Variants in ZFP90 observed in about 807,000 individuals in gnomAD.
The protein encoded by ZFP90 is zinc finger protein 90 homolog.
A neutral mutation model predicts 60.8 loss-of-function variants in ZFP90; 38 were observed. The observed-to-expected ratio is 0.62, with a 90% confidence interval of 0.48 to 0.82. The LOEUF is 0.82. Ranked by LOEUF, ZFP90 falls within the 40% of genes least tolerant of loss-of-function variation. ZFP90 has a pLI of 0.00. For synonymous variants in ZFP90, 287 were observed against 264.8 expected, an observed-to-expected ratio of 1.08 and a Z score of -0.82; for missense variants, 711 against 759.1, an observed-to-expected ratio of 0.94 and a Z score of 0.74.
At position 68,563,222 on chromosome 16, in the gene ZFP90, G is replaced by GAAGAAAATAATTACACCAC. The variant is rs2091463735; in HGVS notation, c.444_462dup (p.Phe155AsnfsTer8). On this transcript the variant is annotated frameshift_variant, in exon 5 of 5. Transcript: ENST00000563169. LOFTEE classifies it high-confidence loss of function. Reference sequence around the variant, plus strand: ...ATCTGGGATCAGAGGCATCCACCCAGAAGAAAATAATTACACCACAAGAAA... The same window carrying GAAGAAAATAATTACACCAC: ...ATCTGGGATCAGAGGCATCCACCCAGAAGAAAATAATTACACCACAAGAAAATAATTACACCACAAGAAA... 6.2e-7 allele frequency: 1 copy of GAAGAAAATAATTACACCAC among 1,613,648 alleles called. No homozygotes were observed. Among genetic ancestry groups the GAAGAAAATAATTACACCAC allele is most frequent in the African/African-American group, 1.3e-5 (1 of 74,848 alleles).
At chr16:68,561,256 T>C (rs2091435631) in intron 4 of ZFP90, among the ~76,000 whole-genome samples, 4 of 152,232 alleles carry the variant, frequency 2.6e-5, no homozygotes, top group African/African-American at 7.2e-5. Context: ...TACTTTACTA[T>C]AGAAAATAGA....
At chr16:68,534,289 C>T (rs552489543) in intron 2 of ZFP90, among the ~76,000 whole-genome samples, 4 of 139,908 alleles carry the variant, frequency 2.9e-5, no homozygotes, top group Non-Finnish European at 4.5e-5. Flanking sequence ...AGGGCAATGG[C>T]GTGATCTCGG....
chr16:68,553,723 GTCC>G (rs2091297468), intron 2 of ZFP90, among the ~76,000 whole-genome samples: 1 of 152,110 alleles, frequency 6.6e-6, no homozygotes, highest in Non-Finnish European at 1.5e-5. Context: ...GGCTCAAGCA[GTCC>G]TCCTGCCTCA....
chr16:68,555,549 G>C (rs2091329581), intron 2 of ZFP90, among the ~76,000 whole-genome samples: 1 of 152,200 alleles, frequency 6.6e-6, no homozygotes, highest in Non-Finnish European at 1.5e-5. Flanking sequence ...GATATAGTGT[G>C]AGTCAGGTAC....
intron 2 of ZFP90, among the ~76,000 whole-genome samples, chr16:68,572,950 C>T (rs1332645560): frequency 6.6e-6 from 1 of 151,278 alleles, no homozygotes; most frequent in African/African-American, 2.4e-5. Context: ...TTGTGTTATC[C>T]CTGGGAAGGA....
chr16:68,540,875 C>A (rs2091035374), intron 2 of ZFP90, among the ~76,000 whole-genome samples: 1 of 140,094 alleles, frequency 7.1e-6, no homozygotes, highest in African/African-American at 2.6e-5. Context: ...TTTAAAAGAG[C>A]AGTTTATAGT....
upstream of ZFP90, among the ~76,000 whole-genome samples, chr16:68,537,861 G>A (rs1555497183): frequency 1.3e-5 from 2 of 151,994 alleles, no homozygotes; most frequent in South Asian, 2.1e-4. Flanking sequence ...AGCCCCTTGC[G>A]CAGGATTTTG....
intron 4 of ZFP90, among the ~76,000 whole-genome samples, chr16:68,559,228 G>A (rs1190729889): frequency 6.6e-6 from 1 of 152,104 alleles, no homozygotes; most frequent in Admixed American, 6.6e-5. Flanking sequence ...GGTAGTTGCA[G>A]CTCTTTATTC....
chr16:68,572,569 T>C (rs904654275), intron 2 of ZFP90, among the ~76,000 whole-genome samples: 29 of 152,132 alleles, frequency 1.9e-4, no homozygotes, highest in Admixed American at 2.6e-4. Context: ...CCTATAGATA[T>C]AAAAACCATG....
intron 2 of ZFP90, among the ~76,000 whole-genome samples, chr16:68,551,844 C>T (rs760554348): frequency 5.9e-5 from 9 of 152,024 alleles, no homozygotes; most frequent in Admixed American, 3.3e-4. Context: ...CTGCAAGCTC[C>T]GCCTCCCAGG....
intron 4 of ZFP90, among the ~76,000 whole-genome samples, chr16:68,559,862 C>T (rs1413850044): frequency 6.6e-6 from 1 of 151,922 alleles, no homozygotes; most frequent in Non-Finnish European, 1.5e-5. Context: ...CATGAGTGAC[C>T]ACACCAGCCT....
intron 2 of ZFP90, among the ~76,000 whole-genome samples, chr16:68,542,288 T>C (rs2091064462): frequency 6.6e-6 from 1 of 152,056 alleles, no homozygotes; most frequent in East Asian, 1.9e-4. Context: ...AGTTTTCACC[T>C]TTGAATAGGA....
At chr16:68,551,731 A>G (rs1010418054) in intron 2 of ZFP90, among the ~76,000 whole-genome samples, 3 of 149,006 alleles carry the variant, frequency 2.0e-5, no homozygotes, top group Middle Eastern at 3.5e-3. Context: ...ATACTTCTTA[A>G]TAACTTTGTT....
At position 68,542,436 on chromosome 16, in the gene ZFP90, C is replaced by G. The variant is rs972911440; in HGVS notation, c.33+2611C>G. 2.0e-5 allele frequency among the ~76,000 whole-genome samples: 3 copies of G among 152,016 alleles called. No homozygotes were observed. In the South Asian group the frequency reaches 6.2e-4, roughly 32 times the overall value. ...TGAAACCCTGTTTCCACTAAAAATACAAAAATTAGCTAGCCATGGTGACGG... is the reference window on the plus strand; with the variant it reads ...TGAAACCCTGTTTCCACTAAAAATAGAAAAATTAGCTAGCCATGGTGACGG... On this transcript the variant is annotated intron_variant, in intron 2 of 4. Coordinates refer to ENST00000563169, the MANE Select transcript of ZFP90 (RefSeq NM_001305203.2).
chr16:68,534,533 T>A (rs1304339598), upstream of ZFP90, among the ~76,000 whole-genome samples: 1 of 151,754 alleles, frequency 6.6e-6, no homozygotes, highest in East Asian at 1.9e-4. Flanking sequence ...CGGCCATTTT[T>A]AAAATTCTAT....
upstream of ZFP90, among the ~76,000 whole-genome samples, chr16:68,536,134 C>A (rs1182412204): frequency 1.3e-5 from 2 of 152,196 alleles, no homozygotes; most frequent in African/African-American, 4.8e-5. Context: ...TCCTTACAAA[C>A]AGCGTTGTTC....
At chr16:68,550,978 A>G (rs954260927) in intron 2 of ZFP90, among the ~76,000 whole-genome samples, 1 of 152,150 alleles carries the variant, frequency 6.6e-6, no homozygotes, top group Admixed American at 6.5e-5. Context: ...GTTGACAGTG[A>G]TGTTCTTCTC....
chr16:68,569,594 T>G (rs1223968220), downstream of ZFP90, among the ~76,000 whole-genome samples: 1 of 152,088 alleles, frequency 6.6e-6, no homozygotes, highest in Non-Finnish European at 1.5e-5. Flanking sequence ...CCTAGTTAAC[T>G]GAGAACAAGA....
chr16:68,539,998 G>T (rs1597710425), intron 2 of ZFP90, among the ~76,000 whole-genome samples, 173 bp downstream of exon 2: 1 of 152,250 alleles, frequency 6.6e-6, no homozygotes, highest in African/African-American at 2.4e-5. Context: ...GATTCCCAAA[G>T]GGGAGGCTGC....
Sources: allele counts gnomAD v4.1 joint callset (sites outside exome capture counted in the v4.1 genomes callset), GRCh38; gene constraint gnomAD v4.1.1; transcripts MANE v1.5; gene names NCBI Gene and HGNC (gene_info 2026-07-23, HGNC 2026-07-21).